WWOX: variants seen among roughly 807,000 people sequenced by gnomAD.
The protein encoded by WWOX is WW domain-containing oxidoreductase.
Under a neutral mutation model 46.2 loss-of-function variants are expected in WWOX, and 69 were observed. The observed-to-expected ratio is 1.49, with a 90% CI of 1.23 to 1.82. The LOEUF (loss-of-function observed/expected upper bound fraction) is 1.82. Among genes scored for constraint, WWOX ranks in the 40% most tolerant of loss-of-function variants. The pLI is 0.00. For synonymous variants in WWOX, 359 were observed against 202.6 expected (o/e 1.77, Z -6.56); for missense variants, 919 against 542.6 (o/e 1.69, Z -6.89).
chr16:78,692,397 C>A (rs993907682), intron 8 of WWOX, among the ~76,000 whole-genome samples: 1 of 152,148 alleles, frequency 6.6e-6, no homozygotes, highest in African/African-American at 2.4e-5. Flanking sequence ...TGTACATTGC[C>A]TTTAAGGAGA....
At chr16:78,591,069 G>A (rs115371078) in intron 8 of WWOX, among the ~76,000 whole-genome samples, 1 of 152,192 alleles carries the variant, frequency 6.6e-6, no homozygotes, top group African/African-American at 2.4e-5. Context: ...ACAGAAGTCA[G>A]GTGGTGAGAG....
intron 8 of WWOX, among the ~76,000 whole-genome samples, chr16:79,198,745 T>G (rs1567612089): frequency 1.3e-5 from 2 of 152,148 alleles, no homozygotes; most frequent in Non-Finnish European, 2.9e-5. Flanking sequence ...TCCACATTGG[T>G]TAGATGGAAA....
chr16:78,807,645 C>G lies in WWOX; in HGVS notation c.1056+374893C>G, dbSNP rs576207106. ...TTTATGGCTTATGGAAAGAAATATTCTCTTAGATTGAAGGGCGCCAGCCTG... is the reference window on the plus strand; with the variant it reads ...TTTATGGCTTATGGAAAGAAATATTGTCTTAGATTGAAGGGCGCCAGCCTG... On this transcript the variant is annotated intron_variant, in intron 8 of 8. Transcript: ENST00000566780. Among the ~76,000 whole-genome samples, 6 of 152,260 alleles carry G rather than the reference C, an allele frequency of 3.9e-5. 1 individual carries two copies. In the East Asian group the frequency reaches 1.2e-3, roughly 29 times the overall value.
rs920503737 is a variant in WWOX at position 79,212,394 on chromosome 16, G to C, written c.*598G>C. On this transcript the variant is annotated 3_prime_UTR_variant, in exon 9 of 9. Transcript: ENST00000566780. ...ATACGCAGAACTACCAGGTGGCAAA[G>C]TACTTGTCATAGACTCCTTTGCTAA... 2.2e-6 allele frequency: 1 copy of C among 457,484 alleles called. No homozygotes were observed. Among genetic ancestry groups the C allele is most frequent in the East Asian group, 3.5e-5 (1 of 28,634 alleles). The allele number at this position is 457,484 out of a possible 1,614,324, so 28.3% of individuals were successfully genotyped here. A position where few individuals can be genotyped will look rare whatever the true frequency, so the allele number is the denominator to read the frequency against.
intron 8 of WWOX, among the ~76,000 whole-genome samples, chr16:78,513,046 T>G (rs2085401765): frequency 6.6e-6 from 1 of 152,180 alleles, no homozygotes; most frequent in South Asian, 2.1e-4. Context: ...GGCCCGAGAT[T>G]AAAAGTTAAA....
intron 8 of WWOX, among the ~76,000 whole-genome samples, chr16:79,100,861 T>C (rs2049177908): frequency 6.6e-6 from 1 of 151,888 alleles, no homozygotes. Context: ...GGCAGTGGAA[T>C]GTATTAACAA....
At chr16:78,897,622 C>G (rs1597121645) in intron 8 of WWOX, 1 of 152,164 alleles carries the variant, frequency 6.6e-6, no homozygotes, top group South Asian at 2.1e-4. Context: ...ATGAATAAAG[C>G]TACCACGAAT....
intron 8 of WWOX, among the ~76,000 whole-genome samples, chr16:79,000,433 A>T (rs1236546600): frequency 6.6e-6 from 1 of 152,180 alleles, no homozygotes; most frequent in Admixed American, 6.5e-5. Flanking sequence ...ATCATCCTGG[A>T]TTATCTGGGT....
At chr16:78,969,345 C>G (rs1043436155) in intron 8 of WWOX, among the ~76,000 whole-genome samples, 1 of 151,854 alleles carries the variant, frequency 6.6e-6, no homozygotes, top group African/African-American at 2.4e-5. Flanking sequence ...TCTTGGCCCA[C>G]TGCACCCTCC....
chr16:78,562,978 C>T (rs530630354), intron 8 of WWOX, among the ~76,000 whole-genome samples: 96 of 148,026 alleles, frequency 6.5e-4, no homozygotes, highest in South Asian at 2.7e-3. Context: ...AAAAGCTTTA[C>T]AGATGTTCTT....
chr16:78,501,179 C>CTG (rs2085055761), intron 8 of WWOX, among the ~76,000 whole-genome samples: 4 of 11,190 alleles, frequency 3.6e-4, no homozygotes, highest in African/African-American at 6.5e-4. Flanking sequence ...TTTTCTTTCT[C>CTG]TCTCTTTCTT....
chr16:78,925,276 G>GACCC (rs2045472695), intron 8 of WWOX, among the ~76,000 whole-genome samples: 1 of 152,188 alleles, frequency 6.6e-6, no homozygotes, highest in African/African-American at 2.4e-5. Context: ...TGCTGCCACT[G>GACCC]GGTGGCAGCA....
At chr16:78,951,378 C>T (rs1043966928) in intron 8 of WWOX, among the ~76,000 whole-genome samples, 2 of 152,122 alleles carry the variant, frequency 1.3e-5, no homozygotes, top group African/African-American at 4.8e-5. Flanking sequence ...CTCATTGGCC[C>T]TCAGTGGGTC....
chr16:78,690,081 G>A (rs997654052), intron 8 of WWOX, among the ~76,000 whole-genome samples: 1 of 152,002 alleles, frequency 6.6e-6, no homozygotes. Flanking sequence ...GGCTGGTCTC[G>A]ATCTCCTGAC....
rs34068363 is a variant in WWOX at position 78,557,689 on chromosome 16, A to ATTTTTTTTTTTTTTTTTTTTTTTT, written c.1056+124960_1056+124961insTTTTTTTTTTTTTTTTTTTTTTTT. On this transcript the variant is annotated intron_variant, in intron 8 of 8. Coordinates refer to ENST00000566780, the MANE Select transcript of WWOX (RefSeq NM_016373.4). ...CATAAGTGCATTCCTCTAGGGAAGG[A>ATTTTTTTTTTTTTTTTTTTTTTTT]TTTTTTTTTTTTTTTTTTTTTTTGA... Among the ~76,000 whole-genome samples, 28 of 96,624 alleles carry ATTTTTTTTTTTTTTTTTTTTTTTT rather than the reference A, an allele frequency of 2.9e-4. 4 individuals carry two copies. The highest frequency in any genetic ancestry group is 8.4e-4 in the East Asian group (3 of 3,554). 63.4% of individuals were successfully genotyped at this position (96,624 alleles called of 152,430 possible). A position where few individuals can be genotyped will look rare whatever the true frequency, so the allele number is the denominator to read the frequency against.
At chr16:78,315,998 C>T (rs2080349390) in intron 5 of WWOX, among the ~76,000 whole-genome samples, 1 of 151,928 alleles carries the variant, frequency 6.6e-6, no homozygotes, top group Non-Finnish European at 1.5e-5. Flanking sequence ...GTAATCCCAG[C>T]ACTTTGGGAG....
intron 8 of WWOX, among the ~76,000 whole-genome samples, chr16:78,639,249 A>G (rs907676869): frequency 2.6e-5 from 4 of 152,186 alleles, no homozygotes; most frequent in African/African-American, 9.7e-5. Context: ...TCAATGACAC[A>G]TGCAGTGTGG....
At chr16:78,148,272 C>T (rs1252262151) in intron 4 of WWOX, among the ~76,000 whole-genome samples, 1 of 152,106 alleles carries the variant, frequency 6.6e-6, no homozygotes, top group South Asian at 2.1e-4. Context: ...CAGAATTATA[C>T]GAAGTGAGAC....
At chr16:78,758,679 C>G (rs1266188485) in intron 8 of WWOX, among the ~76,000 whole-genome samples, 1 of 152,112 alleles carries the variant, frequency 6.6e-6, no homozygotes, top group East Asian at 1.9e-4. Context: ...AATCGTGTCC[C>G]CTTTCCTCCC....
Sources: gnomAD v4.1 joint callset for allele counts (sites outside exome capture counted in the v4.1 genomes callset) on GRCh38, gnomAD v4.1.1 for gene constraint, MANE v1.5 for transcripts, NCBI Gene and HGNC (gene_info 2026-07-23, HGNC 2026-07-21) for gene names.